The following SPAG16 variants were observed in gnomAD, a reference collection of about 807,000 sequenced individuals.
SPAG16 encodes sperm associated antigen 16.
A neutral mutation model predicts 80.4 loss-of-function variants in SPAG16; 86 were observed. That is an observed-to-expected ratio of 1.07 (90% CI 0.90 to 1.28). The LOEUF (loss-of-function observed/expected upper bound fraction) is 1.28, where lower values mean the gene tolerates loss of function less well. SPAG16 is among the 50% of genes most tolerant of loss of function. The probability of loss-of-function intolerance (pLI) is 0.00; values close to 1 mark genes in which losing one functional copy is unlikely to be tolerated. For synonymous variants in SPAG16, 294 were observed against 265.9 expected, an observed-to-expected ratio of 1.11 and a Z score of -1.03; for missense variants, 870 against 765.3, an observed-to-expected ratio of 1.14 and a Z score of -1.61.
intron 15 of SPAG16, among the ~76,000 whole-genome samples, chr2:214,187,459 T>A (rs2057516604): frequency 6.6e-6 from 1 of 152,130 alleles, no homozygotes; most frequent in Admixed American, 6.6e-5. Flanking sequence ...TACTCATTCA[T>A]CTACCCATTA....
intron 1 of SPAG16, among the ~76,000 whole-genome samples, chr2:213,295,835 T>C (rs1235852840): frequency 3.9e-5 from 6 of 152,130 alleles, no homozygotes; most frequent in Non-Finnish European, 8.8e-5. Context: ...GATAGCAATG[T>C]AGGTTTTCAT....
At chr2:213,582,196 C>G (rs2060320055) in intron 10 of SPAG16, among the ~76,000 whole-genome samples, 1 of 151,990 alleles carries the variant, frequency 6.6e-6, no homozygotes, top group Non-Finnish European at 1.5e-5. Flanking sequence ...TGATACTATC[C>G]AAAACTTTTT....
chr2:213,351,893 A>C lies in SPAG16; in HGVS notation c.762+1248A>C, dbSNP rs141303554. 2.5e-3 allele frequency among the ~76,000 whole-genome samples: 385 copies of C among 152,216 alleles called. 3 individuals carry two copies. The highest frequency in any genetic ancestry group is 0.01 in the Middle Eastern group (3 of 294). On this transcript the variant is annotated intron_variant, in intron 7 of 15. Coordinates refer to ENST00000331683, the MANE Select transcript of SPAG16 (RefSeq NM_024532.5). ...TATGATTTGGCTGTGTCCCCATCCA[A>C]ATCTCACCTTGAATTGTAATCATCC...
chr2:213,899,899 A>T (rs1442508930), intron 11 of SPAG16, among the ~76,000 whole-genome samples: 4 of 152,140 alleles, frequency 2.6e-5, no homozygotes, highest in Admixed American at 2.6e-4. Context: ...TTTACTTAGA[A>T]CCTTCACAAG....
intron 15 of SPAG16, 87 bp from the exon 16 acceptor site, chr2:214,410,053 A>G (rs984464899): frequency 3.2e-4 from 471 of 1,459,920 alleles, no homozygotes; most frequent in Non-Finnish European, 4.4e-4. Context: ...ATTGAAAAAA[A>G]TAGAATGCTT....
intron 14 of SPAG16, among the ~76,000 whole-genome samples, chr2:214,125,942 A>G (rs1330394479): frequency 6.6e-6 from 1 of 151,394 alleles, no homozygotes; most frequent in African/African-American, 2.4e-5. Flanking sequence ...ATATAATCTA[A>G]TGGTAATAGA....
chr2:213,378,621 AAAG>A (rs1216170258), intron 9 of SPAG16, among the ~76,000 whole-genome samples: 2 of 152,270 alleles, frequency 1.3e-5, no homozygotes, highest in African/African-American at 2.4e-5. Context: ...GGTTTTAACA[AAAG>A]AAGGAGGGAA....
intron 15 of SPAG16, among the ~76,000 whole-genome samples, chr2:214,379,156 A>C (rs887478619): frequency 6.6e-6 from 1 of 152,198 alleles, no homozygotes; most frequent in African/African-American, 2.4e-5. Context: ...CATATACTTT[A>C]CTGCATTCTT....
At chr2:214,269,574 A>C (rs1168098574) in intron 15 of SPAG16, among the ~76,000 whole-genome samples, 4 of 152,096 alleles carry the variant, frequency 2.6e-5, no homozygotes, top group Admixed American at 6.6e-5. Context: ...GTGTACATTC[A>C]ATTTTTCAAA....
chr2:214,005,984 T>G (rs906971429), intron 12 of SPAG16, among the ~76,000 whole-genome samples: 2 of 152,296 alleles, frequency 1.3e-5, no homozygotes, highest in African/African-American at 4.8e-5. Flanking sequence ...TTATCTCAGA[T>G]AAACTCATGA....
intron 10 of SPAG16, among the ~76,000 whole-genome samples, chr2:213,642,451 C>T (rs1343601449): frequency 2.0e-5 from 3 of 151,912 alleles, no homozygotes; most frequent in Non-Finnish European, 4.4e-5. Context: ...TTGAAGGATA[C>T]AAAATATTGA....
intron 8 of SPAG16, among the ~76,000 whole-genome samples, chr2:213,374,736 C>T (rs2066801562): frequency 6.6e-6 from 1 of 151,946 alleles, no homozygotes; most frequent in Admixed American, 6.6e-5. Flanking sequence ...CACACAAAGC[C>T]TTGTGATAAC....
chr2:214,028,846 G>T (rs1475906928), intron 13 of SPAG16, among the ~76,000 whole-genome samples: 2 of 151,900 alleles, frequency 1.3e-5, no homozygotes, highest in African/African-American at 4.8e-5. Context: ...ACTATATTTG[G>T]CCCAAATCTT....
Position 213,284,472 on chromosome 2 carries a change from G to C in SPAG16, c.-12G>C. The C allele has an allele frequency of 6.4e-7, 1 of 1,558,410 alleles. No homozygotes were observed. The highest frequency in any genetic ancestry group is 1.4e-5 in the African/African-American group (1 of 73,816). The stretch of plus-strand genomic sequence containing the variant: ...GTGGGCCTGCTGGGGGTGGGGGCCC[G>C]AAGCGCCAGAGATGGCTGCTCAGCG... On this transcript the variant is annotated 5_prime_UTR_variant, in exon 1 of 16. Coordinates refer to ENST00000331683, the MANE Select transcript of SPAG16 (RefSeq NM_024532.5).
At chr2:213,289,116 C>G (rs1314061863) in intron 1 of SPAG16, among the ~76,000 whole-genome samples, 1 of 152,196 alleles carries the variant, frequency 6.6e-6, no homozygotes, top group Non-Finnish European at 1.5e-5. Context: ...ATAAGTCTGG[C>G]AAGGGGGCTG....
chr2:214,157,669 T>G (rs553735660), intron 15 of SPAG16, among the ~76,000 whole-genome samples: 1 of 152,256 alleles, frequency 6.6e-6, no homozygotes, highest in Admixed American at 6.5e-5. Context: ...TATTAAATAT[T>G]TAGACTATCC....
intron 14 of SPAG16, among the ~76,000 whole-genome samples, chr2:214,111,283 A>G (rs2053650064): frequency 6.6e-6 from 1 of 152,190 alleles, no homozygotes; most frequent in African/African-American, 2.4e-5. Flanking sequence ...TGAAGTCTTT[A>G]TTCCATCTTG....
At chr2:213,896,592 G>GCACACACACACACA (rs372673398) in intron 11 of SPAG16, among the ~76,000 whole-genome samples, 127 of 111,928 alleles carry the variant, frequency 1.1e-3, no homozygotes, top group African/African-American at 3.9e-3. Flanking sequence ...ACACACACAC[G>GCACACACACACACA]CACACACACA....
chr2:214,092,224 T>C (rs2052264358), intron 13 of SPAG16, among the ~76,000 whole-genome samples: 1 of 152,124 alleles, frequency 6.6e-6, no homozygotes, highest in Non-Finnish European at 1.5e-5. Context: ...GCTGCTTTTA[T>C]TGCAAGGTTA....
Sources: allele counts gnomAD v4.1 joint callset (sites outside exome capture counted in the v4.1 genomes callset), GRCh38; gene constraint gnomAD v4.1.1; transcripts MANE v1.5; gene names NCBI Gene and HGNC (gene_info 2026-07-23, HGNC 2026-07-21).